The following MRPL37 variants were observed in gnomAD, a reference collection of about 807,000 sequenced individuals.
The protein encoded by MRPL37 is large ribosomal subunit protein mL37.
Under a neutral mutation model 44.1 loss-of-function variants are expected in MRPL37, and 34 were observed. The observed-to-expected ratio is 0.77, with a 90% confidence interval of 0.59 to 1.03. The LOEUF (loss-of-function observed/expected upper bound fraction) is 1.03, where lower values mean the gene tolerates loss of function less well. Ranked by LOEUF, MRPL37 falls within the 50% of genes least tolerant of loss-of-function variation. The pLI is 0.00. For synonymous variants in MRPL37, 212 were observed against 219.5 expected (o/e 0.97, Z 0.30); for missense variants, 532 against 543.7 (o/e 0.98, Z 0.21).
chr1:54,215,163 A>C (rs754072683), intron 5 of MRPL37, among the ~76,000 whole-genome samples: 31 of 152,198 alleles, frequency 2.0e-4, no homozygotes, highest in Non-Finnish European at 4.3e-4. Context: ...CACCATTGAG[A>C]ATAATGAGGT....
chr1:54,210,258 A>G, intron 4 of MRPL37, 127 bp downstream of exon 4: 1 of 871,518 alleles, frequency 1.1e-6, no homozygotes, highest in Non-Finnish European at 1.8e-6. Flanking sequence ...ATCTCCTAGG[A>G]TCCATGTGGC....
intron 3 of MRPL37, among the ~76,000 whole-genome samples, chr1:54,207,895 G>A (rs1644135680): frequency 6.6e-6 from 1 of 152,118 alleles, no homozygotes; most frequent in Non-Finnish European, 1.5e-5. Context: ...CAAGAAAACC[G>A]GCCTTGATCC....
At chr1:54,221,508 C>T (rs893013442), downstream of MRPL37, among the ~76,000 whole-genome samples, 3 of 152,196 alleles carry the variant, frequency 2.0e-5, no homozygotes, top group Non-Finnish European at 2.9e-5. Flanking sequence ...CCAAAAACTG[C>T]ATCCAGGGGG....
At chr1:54,214,667 G>A (rs1201114895) in intron 5 of MRPL37, among the ~76,000 whole-genome samples, 2 of 152,258 alleles carry the variant, frequency 1.3e-5, no homozygotes, top group African/African-American at 4.8e-5. Context: ...GGGTAGCAAC[G>A]ATACAACTAA....
At chr1:54,209,878 T>G in intron 3 of MRPL37, 68 bp from the exon 4 acceptor site, 163 of 1,510,078 alleles carry the variant, frequency 1.1e-4, no homozygotes, top group Non-Finnish European at 1.4e-4. Context: ...ATTATAGGCA[T>G]GAGCTACTGC....
In MRPL37 at chr1:54,210,064, C is replaced by T. The variant is rs763702240; in HGVS notation, c.765C>T (p.Thr255=). 3.7e-6 allele frequency: 6 copies of T among 1,614,028 alleles called. No individual in the cohort carries two copies. The highest frequency in any genetic ancestry group is 5.1e-6 in the Non-Finnish European group (6 of 1,180,014). The change falls in exon 4 of 7, where the codon ACC becomes ACT. Residue 255 remains threonine, a synonymous_variant. Coordinates refer to ENST00000360840, the MANE Select transcript of MRPL37 (RefSeq NM_016491.4). ...CTACTAAGAATCATGTTCTAGAGACCTTCTACCCCATATCACCCATCATCG... is the reference window on the plus strand; with the variant it reads ...CTACTAAGAATCATGTTCTAGAGACTTTCTACCCCATATCACCCATCATCG... ...IEATKNHVLE[T]FYPISPIIDL...
downstream of MRPL37, among the ~76,000 whole-genome samples, chr1:54,223,190 C>T (rs1331547417): frequency 6.6e-6 from 1 of 152,208 alleles, no homozygotes; most frequent in Non-Finnish European, 1.5e-5. Flanking sequence ...TCCAAGCCCC[C>T]AGTGCTTGTA....
chr1:54,213,701 G>A (rs1471937430), intron 5 of MRPL37, among the ~76,000 whole-genome samples: 1 of 152,226 alleles, frequency 6.6e-6, no homozygotes, highest in Non-Finnish European at 1.5e-5. Flanking sequence ...GGGGCCCAGC[G>A]ATCAGCGTTT....
chr1:54,213,580 C>T (rs1004924275), intron 5 of MRPL37, among the ~76,000 whole-genome samples: 5 of 152,072 alleles, frequency 3.3e-5, no homozygotes, highest in African/African-American at 7.2e-5. Flanking sequence ...ATCAGTGGTT[C>T]GTTCGTAAAA....
At chr1:54,223,831 CATG>C (rs1214622378), downstream of MRPL37, among the ~76,000 whole-genome samples, 2 of 152,162 alleles carry the variant, frequency 1.3e-5, no homozygotes, top group Non-Finnish European at 2.9e-5. Context: ...TCCACTGGCT[CATG>C]TAGAGCTCTG....
chr1:54,207,496 T>C (rs1306682794), intron 3 of MRPL37: 1 of 152,172 alleles, frequency 6.6e-6, no homozygotes, highest in Non-Finnish European at 1.5e-5. Context: ...ATGAGTCAGC[T>C]TTGCAGAGGT....
chr1:54,221,727 A>G (rs1278460161), downstream of MRPL37, among the ~76,000 whole-genome samples: 1 of 152,122 alleles, frequency 6.6e-6, no homozygotes, highest in Non-Finnish European at 1.5e-5. Context: ...TGTACACGAG[A>G]CCCATGGATC....
At chr1:54,206,401 A>C (rs11206301) in intron 3 of MRPL37, among the ~76,000 whole-genome samples, 136,308 of 151,768 alleles carry the variant, frequency 0.9, 61,353 homozygotes, top group East Asian at 0.95. Flanking sequence ...TGTGAGCCAC[A>C]ACGCCCGGCC....
intron 3 of MRPL37, among the ~76,000 whole-genome samples, chr1:54,208,677 G>A (rs1428190904): frequency 2.0e-5 from 3 of 151,620 alleles, no homozygotes; most frequent in South Asian, 2.1e-4. Context: ...ATTCTGCCAC[G>A]GAGTTGCCTG....
downstream of MRPL37, among the ~76,000 whole-genome samples, chr1:54,218,541 AACCTGGGGCTAATGTGACTT>A (rs1644213069): frequency 6.6e-6 from 1 of 152,134 alleles, no homozygotes; most frequent in Non-Finnish European, 1.5e-5. Flanking sequence ...CTTCATCTGA[AACCTGGGGCTAATGTGACTT>A]ACCTGGCGTT....
chr1:54,207,823 A>G (rs1273221819), intron 3 of MRPL37, among the ~76,000 whole-genome samples: 1 of 152,234 alleles, frequency 6.6e-6, no homozygotes, highest in Non-Finnish European at 1.5e-5. Flanking sequence ...TTACCTATCC[A>G]GTAAGGGAGG....
At chr1:54,207,745 C>G (rs2100506046) in intron 3 of MRPL37, among the ~76,000 whole-genome samples, 1 of 152,252 alleles carries the variant, frequency 6.6e-6, no homozygotes, top group East Asian at 1.9e-4. Flanking sequence ...ACAGGAAATA[C>G]TTTAGAAAAC....
At chr1:54,210,622 G>A (rs899019033) in intron 4 of MRPL37, among the ~76,000 whole-genome samples, 3 of 152,136 alleles carry the variant, frequency 2.0e-5, no homozygotes, top group Admixed American at 6.5e-5. Flanking sequence ...CATGTACTCC[G>A]TCAGGCAAGA....
downstream of MRPL37, among the ~76,000 whole-genome samples, chr1:54,222,256 G>A (rs1644241157): frequency 6.6e-6 from 1 of 152,192 alleles, no homozygotes; most frequent in South Asian, 2.1e-4. Context: ...CCCAGGGAGA[G>A]AGCTACCCCA....
Sources: gnomAD v4.1 joint callset for allele counts (sites outside exome capture counted in the v4.1 genomes callset) on GRCh38, gnomAD v4.1.1 for gene constraint, MANE v1.5 for transcripts, NCBI Gene and HGNC (gene_info 2026-07-23, HGNC 2026-07-21) for gene names.